KIAA1217: variants seen among roughly 807,000 people sequenced by gnomAD.
KIAA1217 encodes sickle tail protein homolog.
Under a neutral mutation model 163.9 loss-of-function variants are expected in KIAA1217, and 88 were observed. The ratio of observed to expected loss-of-function variants is 0.54; its 90% CI spans 0.45 to 0.64. The LOEUF (loss-of-function observed/expected upper bound fraction) is 0.64, where lower values mean the gene tolerates loss of function less well. Ranked by LOEUF, KIAA1217 falls within the 30% of genes least tolerant of loss-of-function variation. The pLI, the probability that KIAA1217 is intolerant of heterozygous loss-of-function variation, is 0.00. For synonymous variants in KIAA1217, 903 were observed against 923.1 expected, an observed-to-expected ratio of 0.98 and a Z score of 0.39; for missense variants, 2,372 against 2,475.0, an observed-to-expected ratio of 0.96 and a Z score of 0.88.
intron 2 of KIAA1217, among the ~76,000 whole-genome samples, chr10:24,344,917 C>CT: frequency 6.6e-6 from 1 of 152,272 alleles, no homozygotes; most frequent in East Asian, 1.9e-4. Flanking sequence ...ACTCTGCAGA[C>CT]TATCTCAGAG....
chr10:23,988,369 G>C (rs1846073527), intron 1 of KIAA1217, among the ~76,000 whole-genome samples: 1 of 152,194 alleles, frequency 6.6e-6, no homozygotes, highest in African/African-American at 2.4e-5. Context: ...ATAACCAATA[G>C]TTTCCTGGGG....
At chr10:24,180,307 G>A (rs1215703200) in intron 2 of KIAA1217, among the ~76,000 whole-genome samples, 3 of 100,690 alleles carry the variant, frequency 3.0e-5, no homozygotes, top group Non-Finnish European at 5.8e-5. Flanking sequence ...TTTTTTTTGA[G>A]ACAGGGTCTC....
chr10:24,228,751 TAA>T (rs937174822), intron 2 of KIAA1217, among the ~76,000 whole-genome samples: 1 of 152,212 alleles, frequency 6.6e-6, no homozygotes, highest in African/African-American at 2.4e-5. Flanking sequence ...AGCTTAAGAC[TAA>T]AATCTTCCTG....
intron 5 of KIAA1217, 105 bp from the exon 6 acceptor site, chr10:24,473,123 G>A (rs2063703914): frequency 9.8e-6 from 7 of 715,568 alleles, no homozygotes; most frequent in Non-Finnish European, 1.6e-5. Flanking sequence ...ATTCCAGGAT[G>A]AGGGTGTATA....
Position 24,544,381 on chromosome 10 carries a change from C to G in KIAA1217, c.5111C>G (p.Ser1704Cys), listed in dbSNP as rs1331854084. ...AACAGAGATTCTGTTGCAAGTTCAT[C>G]CCACATAGCCCAAGAGGCCTCTCCC... ...SSNRDSVASS[S>C]HIAQEASPRP... The change falls in exon 19 of 21, where the codon TCC (serine) becomes TGC (cysteine). Residue 1704 changes from serine (S) to cysteine (C), a missense_variant. By Grantham distance (112) the Ser-to-Cys change is moderately radical. Coordinates refer to ENST00000376454, the MANE Select transcript of KIAA1217 (RefSeq NM_019590.5). 1.2e-6 allele frequency: 2 copies of G among 1,614,124 alleles called. No homozygotes were observed. Among genetic ancestry groups the G allele is most frequent in the South Asian group, 2.2e-5 (2 of 91,086 alleles).
intron 2 of KIAA1217, among the ~76,000 whole-genome samples, chr10:24,317,121 A>G (rs2043489908): frequency 1.3e-5 from 2 of 152,236 alleles, no homozygotes; most frequent in East Asian, 1.9e-4. Flanking sequence ...ATGTCAGCCT[A>G]TAGATTTTCA....
chr10:24,447,301 A>G (rs974257988), intron 5 of KIAA1217, among the ~76,000 whole-genome samples: 6 of 151,486 alleles, frequency 4.0e-5, no homozygotes, highest in Admixed American at 3.3e-4. Context: ...AATGTGTTAT[A>G]TATGTATACA....
intron 5 of KIAA1217, among the ~76,000 whole-genome samples, chr10:24,456,961 C>A (rs571870811): frequency 6.6e-6 from 1 of 151,874 alleles, no homozygotes; most frequent in African/African-American, 2.4e-5. Flanking sequence ...CTGGGCCTCC[C>A]GAAGTGCTGG....
intron 2 of KIAA1217, among the ~76,000 whole-genome samples, chr10:24,166,164 T>A (rs1650485538): frequency 6.6e-6 from 1 of 151,676 alleles, no homozygotes; most frequent in African/African-American, 2.4e-5. Flanking sequence ...AACTGAGTGA[T>A]TGAAAAAAAA....
rs1112283 is a variant in KIAA1217 at position 24,501,385 on chromosome 10, C to T, written c.1841C>T (p.Pro614Leu). 6.2e-7 allele frequency: 1 copy of T among 1,608,510 alleles called. No homozygotes were observed. Among genetic ancestry groups the T allele is most frequent in the Non-Finnish European group, 8.5e-7 (1 of 1,175,808 alleles). Residue 614 changes from proline to leucine, a missense_variant, in exon 9 of 21, where the codon CCC becomes CTC. This residue lies in a region of KIAA1217 where 1,431 missense variants were observed against 1,470.3 expected (regional missense o/e 0.97). Coordinates refer to ENST00000376454, the MANE Select transcript of KIAA1217 (RefSeq NM_019590.5). ...NRNHTDSAGTPHVSGGKMLSA... is the reference protein window; with the variant it reads ...NRNHTDSAGTLHVSGGKMLSA... ...TGATGCACTTTTCTCATAGGAACGCCCCATGTGTCTGGTGGGAAGATGCTC... is the reference window on the plus strand; with the variant it reads ...TGATGCACTTTTCTCATAGGAACGCTCCATGTGTCTGGTGGGAAGATGCTC...
At chr10:23,784,356 G>A (rs1475627835) in intron 1 of KIAA1217, among the ~76,000 whole-genome samples, 1 of 152,036 alleles carries the variant, frequency 6.6e-6, no homozygotes, top group Non-Finnish European at 1.5e-5. Flanking sequence ...CTTATAGTCA[G>A]CATATAGTTG....
intron 1 of KIAA1217, among the ~76,000 whole-genome samples, chr10:23,737,566 C>G (rs1838882665): frequency 6.6e-6 from 1 of 151,984 alleles, no homozygotes; most frequent in South Asian, 2.1e-4. Flanking sequence ...TCCTCATTGC[C>G]CCCAAAGATT....
intron 2 of KIAA1217, among the ~76,000 whole-genome samples, chr10:24,192,460 A>G (rs11013946): frequency 0.012 from 1,902 of 152,260 alleles, 39 homozygotes; most frequent in African/African-American, 0.042. Context: ...GGGGGGTAGT[A>G]TGCTCTGGAC....
At chr10:24,271,271 AG>A (rs2076745688) in intron 2 of KIAA1217, among the ~76,000 whole-genome samples, 1 of 152,188 alleles carries the variant, frequency 6.6e-6, no homozygotes, top group African/African-American at 2.4e-5. Flanking sequence ...TAAGAAACTC[AG>A]TAACATTGAA....
chr10:24,219,683 C>A lies in KIAA1217; in HGVS notation c.128C>A (p.Thr43Asn). 6.2e-7 allele frequency: 1 copy of A among 1,613,622 alleles called. No homozygotes were observed. The highest frequency in any genetic ancestry group is 8.5e-7 in the Non-Finnish European group (1 of 1,179,760). Residue 43 changes from threonine (T) to asparagine (N), a missense_variant, in exon 2 of 21, where the codon ACC becomes AAC. Physicochemically the swap from Thr to Asn is moderately conservative, Grantham distance 65 (BLOSUM62 0). Coordinates refer to ENST00000376454, the MANE Select transcript of KIAA1217 (RefSeq NM_019590.5). ...TSPEDAECRR[T>N]KERLSNGNSR... is the part of the protein sequence containing the mutation. ...CCAGAAGATGCAGAATGCCGCAGAA[C>A]CAAGGAACGCCTTTCTAATGGAAAC...
chr10:24,259,103 T>C (rs921607980), intron 2 of KIAA1217, among the ~76,000 whole-genome samples: 2 of 152,062 alleles, frequency 1.3e-5, no homozygotes, highest in African/African-American at 4.8e-5. Flanking sequence ...AAAATCAGCA[T>C]TGAGGGCCTC....
chr10:24,141,698 C>A (rs896777104), intron 2 of KIAA1217, among the ~76,000 whole-genome samples: 2 of 152,090 alleles, frequency 1.3e-5, no homozygotes, highest in Non-Finnish European at 2.9e-5. Context: ...AAACAGCACT[C>A]CAAAGGCTTT....
At chr10:23,867,374 G>A (rs1840245250) in intron 1 of KIAA1217, among the ~76,000 whole-genome samples, 1 of 151,968 alleles carries the variant, frequency 6.6e-6, no homozygotes, top group South Asian at 2.1e-4. Flanking sequence ...CCAGTAATGG[G>A]ATGGCTGGGT....
rs924891973 is a variant in KIAA1217 at position 24,216,211 on chromosome 10, C to G, written c.71-3415C>G. ...AAACTCTCCCCTTCCATCTCCCTTC[C>G]CAACTCATTTCAAAGAAGAAAGAGG... On this transcript the variant is annotated intron_variant, in intron 1 of 20. Transcript: ENST00000376454. 5.3e-5 allele frequency among the ~76,000 whole-genome samples: 8 copies of G among 152,268 alleles called. No homozygotes were observed. The East Asian group carries it at 1.2e-3, about 22-fold the overall frequency.
Sources: gnomAD v4.1 joint callset for allele counts (sites outside exome capture counted in the v4.1 genomes callset) on GRCh38, gnomAD v4.1.1 for gene constraint, gnomAD v4.1.1 regional missense constraint, MANE v1.5 for transcripts, NCBI Gene and HGNC (gene_info 2026-07-23, HGNC 2026-07-21) for gene names.